Variants in SSBP3 observed in about 807,000 individuals in gnomAD.
SSBP3 encodes single stranded DNA binding protein 3, also known as single-stranded DNA-binding protein 3.
A neutral mutation model predicts 69.6 loss-of-function variants in SSBP3; 5 were observed. That is an observed-to-expected ratio of 0.07 (90% CI 0.04 to 0.15). SSBP3 has a LOEUF of 0.15. Ranked by LOEUF, SSBP3 falls within the 10% of genes least tolerant of loss-of-function variation. SSBP3 has a pLI of 1.00. For missense variants in SSBP3, 312 were observed against 534.0 expected, an observed-to-expected ratio of 0.58 and a Z score of 4.10; for synonymous variants, 196 against 193.4, an observed-to-expected ratio of 1.01 and a Z score of -0.11.
rs539008005 is a variant in SSBP3, at chr1:54,370,233, G to A, written c.276+31628C>T. Among the ~76,000 whole-genome samples, 186 of 152,198 alleles carry A rather than the reference G, an allele frequency of 1.2e-3. 12 individuals are homozygous for A. In the South Asian group the frequency reaches 0.036, roughly 30 times the overall value. ...GGCTTCCAAATGGAATTCATTTACCGTCTGCATCCAACTTTCACTTATCTG... is the reference window on the plus strand; with the variant it reads ...GGCTTCCAAATGGAATTCATTTACCATCTGCATCCAACTTTCACTTATCTG... On this transcript the variant is annotated intron_variant, in intron 4 of 17. Transcript: ENST00000610401.
chr1:54,411,840 C>T (rs1268783603), intron 1 of SSBP3, among the ~76,000 whole-genome samples: 5 of 144,254 alleles, frequency 3.5e-5, no homozygotes, highest in Admixed American at 7.2e-5. Context: ...TGCAGTGAGC[C>T]GAGATGGCGT....
At chr1:54,267,166 G>A (rs982809697) in intron 5 of SSBP3, among the ~76,000 whole-genome samples, 2 of 152,206 alleles carry the variant, frequency 1.3e-5, no homozygotes, top group African/African-American at 4.8e-5. Context: ...TGGTTGGGAA[G>A]GGCCAGGATA....
upstream of SSBP3, among the ~76,000 whole-genome samples, chr1:54,409,533 G>A (rs957334651): frequency 6.6e-6 from 1 of 152,012 alleles, no homozygotes; most frequent in Non-Finnish European, 1.5e-5. Flanking sequence ...ACTCACCCCA[G>A]CCCCAAAGTA....
intron 9 of SSBP3, 98 bp downstream of exon 9, chr1:54,251,518 C>A: frequency 7.7e-7 from 1 of 1,300,698 alleles, no homozygotes; most frequent in Non-Finnish European, 1.1e-6. Context: ...CCCCTGCGAA[C>A]TGAGAGATGT....
chr1:54,308,318 G>A (rs191429440), intron 4 of SSBP3, among the ~76,000 whole-genome samples: 55 of 152,098 alleles, frequency 3.6e-4, no homozygotes, highest in African/African-American at 1.2e-3. Context: ...TTAGCCGGGC[G>A]TGGCCGGGCA....
chr1:54,241,554 G>A (rs370645589), intron 11 of SSBP3, 45 bp from the exon 12 acceptor site: 120 of 1,600,544 alleles, frequency 7.5e-5, no homozygotes, highest in African/African-American at 2.7e-5. Flanking sequence ...GTCACTGAGT[G>A]CCCTCAGCTG....
At chr1:54,331,488 A>G (rs1297805215) in intron 4 of SSBP3, among the ~76,000 whole-genome samples, 1 of 152,206 alleles carries the variant, frequency 6.6e-6, no homozygotes, top group Non-Finnish European at 1.5e-5. Flanking sequence ...GACAGTGACA[A>G]AGAGAGTTTT....
chr1:54,227,180 A>T lies in SSBP3; in HGVS notation c.1138-20T>A. The T allele has an allele frequency of 2.8e-6, 1 of 354,662 alleles. No homozygotes were observed. The highest frequency in any genetic ancestry group is 4.6e-6 in the Non-Finnish European group (1 of 217,534). 22.0% of individuals were successfully genotyped at this position (354,662 alleles called of 1,614,324 possible). ...AGAATACTGGAAAGGAGAAGCAGAGAAGGGGGGGGGGTGAGGATTGTGGGG... is the reference window on the plus strand; with the variant it reads ...AGAATACTGGAAAGGAGAAGCAGAGTAGGGGGGGGGGTGAGGATTGTGGGG... On this transcript the variant is annotated intron_variant, in intron 17 of 17. Transcript: ENST00000610401.
At chr1:54,240,329 G>A (rs1040999818) in intron 13 of SSBP3, among the ~76,000 whole-genome samples, 16 of 151,242 alleles carry the variant, frequency 1.1e-4, no homozygotes, top group Non-Finnish European at 1.9e-4. Context: ...ATGGTGGTGC[G>A]TGCCTGTAAT....
Position 54,264,210 on chromosome 1 carries a change from G to A in SSBP3, c.367-6061C>T, listed in dbSNP as rs752015542. 3.0e-4 allele frequency among the ~76,000 whole-genome samples: 46 copies of A among 152,262 alleles called. 1 individual carries two copies. The highest frequency in any genetic ancestry group is 2.9e-3 in the South Asian group (14 of 4,818). ...CCAGTTACTCAGGAGACAGAGGTGG[G>A]AGGATCCCTTGAGCCAGGGAGGTGG... On this transcript the variant is annotated intron_variant, in intron 5 of 17. Transcript: ENST00000610401.
At chr1:54,289,059 A>G (rs1335653381) in intron 4 of SSBP3, among the ~76,000 whole-genome samples, 1 of 127,580 alleles carries the variant, frequency 7.8e-6, no homozygotes, top group Non-Finnish European at 1.7e-5. Context: ...AAAAAAAAAC[A>G]GTAATGTCCC....
At chr1:54,411,728 TA>T (rs539607505) in intron 1 of SSBP3, among the ~76,000 whole-genome samples, 3,887 of 151,328 alleles carry the variant, frequency 0.026, 83 homozygotes, top group Non-Finnish European at 0.034. Flanking sequence ...CCGTCTCTAC[TA>T]AAAATACAAA....
At chr1:54,297,613 A>G (rs1483401494) in intron 4 of SSBP3, among the ~76,000 whole-genome samples, 1 of 152,184 alleles carries the variant, frequency 6.6e-6, no homozygotes, top group Admixed American at 6.6e-5. Context: ...CCTGGGAGAC[A>G]GAGTGAGACT....
At chr1:54,316,070 C>T (rs946475434) in intron 4 of SSBP3, among the ~76,000 whole-genome samples, 4 of 151,988 alleles carry the variant, frequency 2.6e-5, no homozygotes, top group African/African-American at 7.2e-5. Flanking sequence ...TCTAACTGGG[C>T]GCGGTGGCTC....
At chr1:54,282,427 G>A (rs1442038226) in intron 4 of SSBP3, among the ~76,000 whole-genome samples, 1 of 152,232 alleles carries the variant, frequency 6.6e-6, no homozygotes, top group Non-Finnish European at 1.5e-5. Context: ...TGTCTCATGA[G>A]AGAGAGGGGC....
At chr1:54,317,263 C>T (rs996976655) in intron 4 of SSBP3, among the ~76,000 whole-genome samples, 4 of 152,144 alleles carry the variant, frequency 2.6e-5, no homozygotes, top group Non-Finnish European at 4.4e-5. Context: ...ATCGGCCAAC[C>T]GTGGTGACTC....
At chr1:54,251,974 GCCTC>G in intron 7 of SSBP3, 114 bp from the exon 8 acceptor site, 2 of 861,914 alleles carry the variant, frequency 2.3e-6, no homozygotes, top group Admixed American at 2.0e-5. Context: ...GCCACTCATG[GCCTC>G]CCTGAGACTT....
At chr1:54,411,969 C>G (rs1650006105) in intron 1 of SSBP3, among the ~76,000 whole-genome samples, 3 of 152,182 alleles carry the variant, frequency 2.0e-5, no homozygotes, top group African/African-American at 7.2e-5. Context: ...CACCACTCCC[C>G]CAACTCCACC....
intron 4 of SSBP3, among the ~76,000 whole-genome samples, chr1:54,340,480 G>C (rs1646588218): frequency 6.6e-6 from 1 of 152,230 alleles, no homozygotes; most frequent in Non-Finnish European, 1.5e-5. Context: ...AGGGGTGGCA[G>C]GGAGGGAGGG....
Sources: gnomAD v4.1 joint callset for allele counts (sites outside exome capture counted in the v4.1 genomes callset) on GRCh38, gnomAD v4.1.1 for gene constraint, MANE v1.5 for transcripts, NCBI Gene and HGNC (gene_info 2026-07-23, HGNC 2026-07-21) for gene names.